The following CTNNA3 variants were observed in gnomAD, a reference collection of about 807,000 sequenced individuals.
The protein encoded by CTNNA3 is catenin alpha 3.
A neutral mutation model predicts 95.7 loss-of-function variants in CTNNA3; 76 were observed. The observed-to-expected ratio is 0.79, with a 90% CI of 0.66 to 0.96. CTNNA3 has a LOEUF of 0.96. Among genes scored for constraint, CTNNA3 ranks in the 40% least tolerant of loss-of-function variants. CTNNA3 has a pLI of 0.00. For missense variants in CTNNA3, 1,191 were observed against 1,089.8 expected, an observed-to-expected ratio of 1.09 and a Z score of -1.31; for synonymous variants, 431 against 374.4, an observed-to-expected ratio of 1.15 and a Z score of -1.74.
intron 17 of CTNNA3, among the ~76,000 whole-genome samples, chr10:65,952,435 C>T (rs959192906): frequency 6.6e-6 from 1 of 152,090 alleles, no homozygotes; most frequent in Non-Finnish European, 1.5e-5. Flanking sequence ...TTTTATTCCT[C>T]CTCTTCTTGC....
At chr10:67,754,305 G>A (rs1004890770) in intron 1 of CTNNA3, among the ~76,000 whole-genome samples, 9 of 151,814 alleles carry the variant, frequency 5.9e-5, no homozygotes, top group Admixed American at 4.6e-4. Flanking sequence ...AGAGCCTATC[G>A]GGGGGGCGTT....
At chr10:66,853,445 C>A (rs73323553) in intron 7 of CTNNA3, among the ~76,000 whole-genome samples, 240 of 152,214 alleles carry the variant, frequency 1.6e-3, no homozygotes, top group African/African-American at 5.6e-3. Context: ...ATTCCCAGAA[C>A]ATGCAAGCAC....
At chr10:66,527,501 G>A (rs1021338185) in intron 10 of CTNNA3, among the ~76,000 whole-genome samples, 2 of 152,030 alleles carry the variant, frequency 1.3e-5, no homozygotes, top group African/African-American at 4.8e-5. Context: ...GCTTTGGTTA[G>A]TATTATCATC....
chr10:66,346,240 TATATATAGAGAGAGAGAGAGAGAGAG>T (rs2092515792), intron 12 of CTNNA3, among the ~76,000 whole-genome samples: 1 of 11,364 alleles, frequency 8.8e-5, no homozygotes, highest in Non-Finnish European at 1.7e-4. Context: ...TATATATATA[TATATATAGAGAGAGAGAGAGAGAGAG>T]AGAGAGAGAG....
chr10:67,153,450 A>G (rs1861172889), intron 7 of CTNNA3, among the ~76,000 whole-genome samples: 1 of 152,250 alleles, frequency 6.6e-6, no homozygotes, highest in Admixed American at 6.5e-5. Context: ...GTCATCATCA[A>G]AACAATCTGA....
At chr10:66,121,883 T>G (rs1443504663) in intron 13 of CTNNA3, among the ~76,000 whole-genome samples, 1 of 152,158 alleles carries the variant, frequency 6.6e-6, no homozygotes, top group Non-Finnish European at 1.5e-5. Context: ...TTTTAAAATA[T>G]TTGCTCTTAG....
chr10:66,508,013 AT>A lies in CTNNA3; in HGVS notation c.1531+12603del, dbSNP rs200331412. Among the ~76,000 whole-genome samples the A allele has an allele frequency of 2.6e-5, 4 of 151,722 alleles. No individual in the cohort carries two copies. In the South Asian group the frequency reaches 6.3e-4, roughly 24 times the overall value. On this transcript the variant is annotated intron_variant, in intron 11 of 17. Coordinates refer to ENST00000433211, the MANE Select transcript of CTNNA3 (RefSeq NM_013266.4). The stretch of plus-strand genomic sequence containing the variant: ...CCCCTTACTCCACATCCTTGTTAGC[AT>A]TTTTTTTAAATCATTTCCTTTCATT...
At chr10:67,163,862 TA>T (rs1318524313) in intron 7 of CTNNA3, among the ~76,000 whole-genome samples, 2 of 151,888 alleles carry the variant, frequency 1.3e-5, no homozygotes, top group African/African-American at 4.8e-5. Context: ...AAATTAAAAT[TA>T]AAAATATAAT....
intron 5 of CTNNA3, among the ~76,000 whole-genome samples, chr10:67,442,008 A>G (rs1189494363): frequency 6.6e-6 from 1 of 152,212 alleles, no homozygotes; most frequent in East Asian, 1.9e-4. Flanking sequence ...AAGCCTAAGC[A>G]GTGCAATAAG....
chr10:67,132,099 G>A (rs1860038757), intron 7 of CTNNA3, among the ~76,000 whole-genome samples: 1 of 152,068 alleles, frequency 6.6e-6, no homozygotes, highest in Non-Finnish European at 1.5e-5. Context: ...AGACAGACAA[G>A]GATAGAGCAA....
At chr10:66,712,368 T>G (rs1848322785) in intron 9 of CTNNA3, among the ~76,000 whole-genome samples, 1 of 152,134 alleles carries the variant, frequency 6.6e-6, no homozygotes, top group African/African-American at 2.4e-5. Context: ...TAGGCAAACA[T>G]GTAGCCTGCA....
intron 6 of CTNNA3, among the ~76,000 whole-genome samples, chr10:67,215,245 A>G (rs926004290): frequency 1.3e-5 from 2 of 152,026 alleles, no homozygotes; most frequent in East Asian, 1.9e-4. Flanking sequence ...TGCCTGGTCA[A>G]TTTTGACAGT....
intron 14 of CTNNA3, among the ~76,000 whole-genome samples, chr10:66,089,499 C>A (rs2081129705): frequency 6.6e-6 from 1 of 151,434 alleles, no homozygotes; most frequent in Non-Finnish European, 1.5e-5. Context: ...CAAATTAAAA[C>A]ATAAACTGTT....
chr10:66,277,448 T>A (rs1265178251), intron 13 of CTNNA3, among the ~76,000 whole-genome samples: 1 of 152,110 alleles, frequency 6.6e-6, no homozygotes, highest in Non-Finnish European at 1.5e-5. Flanking sequence ...TACTTTGCAG[T>A]TCTAAGGCCA....
intron 1 of CTNNA3, among the ~76,000 whole-genome samples, chr10:67,687,396 T>C (rs1840754398): frequency 6.6e-6 from 1 of 152,186 alleles, no homozygotes; most frequent in Non-Finnish European, 1.5e-5. Flanking sequence ...AGTAGGACAA[T>C]CTTTTTTAAA....
At chr10:66,006,164 C>G (rs2078877552) in intron 15 of CTNNA3, among the ~76,000 whole-genome samples, 1 of 151,872 alleles carries the variant, frequency 6.6e-6, no homozygotes, top group Non-Finnish European at 1.5e-5. Context: ...AGGCACCCAC[C>G]ACCGTGCCCG....
chr10:67,152,999 A>G (rs943623043), intron 7 of CTNNA3, among the ~76,000 whole-genome samples: 1 of 151,462 alleles, frequency 6.6e-6, no homozygotes, highest in African/African-American at 2.4e-5. Flanking sequence ...TTTCTGAGAC[A>G]GGGTCTTTCC....
chr10:66,786,994 A>G (rs919137662), intron 7 of CTNNA3, among the ~76,000 whole-genome samples: 6 of 152,216 alleles, frequency 3.9e-5, no homozygotes, highest in African/African-American at 1.2e-4. Flanking sequence ...TGCAACTTCA[A>G]AGAAAATCCT....
chr10:66,967,219 A>G (rs183734844), intron 7 of CTNNA3, among the ~76,000 whole-genome samples: 2 of 152,092 alleles, frequency 1.3e-5, no homozygotes, highest in East Asian at 3.9e-4. Context: ...GCCTTGACAT[A>G]AACCATGACC....
Sources: allele counts gnomAD v4.1 joint callset (sites outside exome capture counted in the v4.1 genomes callset), GRCh38; gene constraint gnomAD v4.1.1; transcripts MANE v1.5; gene names NCBI Gene and HGNC (gene_info 2026-07-23, HGNC 2026-07-21).